Variants in SPNS3 observed in about 807,000 individuals in gnomAD.
SPNS3 encodes the protein protein spinster homolog 3.
Under a neutral mutation model 54.4 loss-of-function variants are expected in SPNS3, and 51 were observed. The ratio of observed to expected loss-of-function variants is 0.94; its 90% CI spans 0.75 to 1.18. SPNS3 has a LOEUF of 1.18. Ranked by LOEUF, SPNS3 falls within the 50% of genes most tolerant of loss-of-function variation. SPNS3 has a pLI of 0.00. For synonymous variants in SPNS3, 309 were observed against 294.7 expected, an observed-to-expected ratio of 1.05 and a Z score of -0.50; for missense variants, 669 against 677.4, an observed-to-expected ratio of 0.99 and a Z score of 0.14.
chr17:4,442,338 G>A (rs992506209), intron 2 of SPNS3, among the ~76,000 whole-genome samples: 2 of 152,070 alleles, frequency 1.3e-5, no homozygotes, highest in Non-Finnish European at 2.9e-5. Context: ...TTTGAGACCA[G>A]CCTGGCCAAC....
At chr17:4,485,701 T>A (rs1403026760) in intron 9 of SPNS3, among the ~76,000 whole-genome samples, 2 of 151,966 alleles carry the variant, frequency 1.3e-5, no homozygotes, top group Non-Finnish European at 2.9e-5. Context: ...TGGCCCAGAG[T>A]TCATCTTCTT....
At chr17:4,450,353 TC>T (rs796149619) in intron 7 of SPNS3, among the ~76,000 whole-genome samples, 92 of 13,790 alleles carry the variant, frequency 6.7e-3, no homozygotes, top group African/African-American at 0.045. Flanking sequence ...CCCTCTCCCC[TC>T]CTCTCTCTCT....
rs1597342096 is a variant in SPNS3 at position 4,478,738 on chromosome 17, A to G, written c.1179+101A>G. 1.3e-5 allele frequency: 16 copies of G among 1,201,166 alleles called. No individual in the cohort carries two copies. The East Asian group carries it at 2.8e-4, about 21-fold the overall frequency. The allele number at this position is 1,201,166 out of a possible 1,614,324, so 74.4% of individuals were successfully genotyped here. A position where few individuals can be genotyped will look rare whatever the true frequency, so the allele number is the denominator to read the frequency against. ...GGCACTGGCGGCGACATCAGAGACC[A>G]TACATTAGGGGACCAAAGCCATTCA... On this transcript the variant is annotated intron_variant, in intron 9 of 11. Coordinates refer to ENST00000355530, the MANE Select transcript of SPNS3 (RefSeq NM_182538.5).
In SPNS3 at chr17:4,434,060, C is replaced by T. The variant is rs941118024; in HGVS notation, c.93C>T (p.Pro31=). Residue 31 remains proline, a synonymous_variant, in exon 1 of 12, where the codon CCC becomes CCT. Coordinates refer to ENST00000355530, the MANE Select transcript of SPNS3 (RefSeq NM_182538.5). The stretch of plus-strand genomic sequence containing the variant: ...GGCCAGGCAGGCAGTGTCCCCCTCC[C>T]ATCACGCCCACCTCCTGGAGCCTGC... The part of the protein sequence containing the change: ...SPGPGRQCPP[P]ITPTSWSLPP... The T allele has an allele frequency of 5.0e-6, 8 of 1,610,932 alleles. No individual in the cohort carries two copies. The highest frequency in any genetic ancestry group is 5.9e-6 in the Non-Finnish European group (7 of 1,178,752).
intron 8 of SPNS3, among the ~76,000 whole-genome samples, chr17:4,455,916 G>T (rs1461557537): frequency 1.4e-5 from 1 of 73,438 alleles, no homozygotes; most frequent in Non-Finnish European, 4.0e-5. Context: ...ACTGCCCTCT[G>T]TGGGGGGGGG....
At position 4,487,865 on chromosome 17, in the gene SPNS3, G is replaced by A. The variant is rs1210995570; in HGVS notation, c.1510G>A (p.Gly504Ser). 1 of 1,614,084 alleles carries A rather than the reference G, an allele frequency of 6.2e-7. No homozygotes were observed. Among genetic ancestry groups the A allele is most frequent in the Non-Finnish European group, 8.5e-7 (1 of 1,179,920 alleles). The change falls in exon 12 of 12, where the codon GGC (glycine) becomes AGC (serine). Residue 504 changes from glycine (G) to serine (S), a missense_variant. By Grantham distance (56) the Gly-to-Ser change is moderately conservative. Transcript: ENST00000355530. Reference sequence around the variant, plus strand: ...CCTGGAGAGACAAGGCCTACTTTCGGGCGCTGGCGCCTCTACAGAGGAGCC... The same window carrying A: ...CCTGGAGAGACAAGGCCTACTTTCGAGCGCTGGCGCCTCTACAGAGGAGCC... ...NDLERQGLLS[G>S]AGASTEEP
At chr17:4,487,136 C>T (rs2144259732) in intron 11 of SPNS3, among the ~76,000 whole-genome samples, 1 of 140,716 alleles carries the variant, frequency 7.1e-6, no homozygotes, top group Middle Eastern at 4.2e-3. Context: ...CTCGCCACTG[C>T]ACTCCAGCCT....
intron 1 of SPNS3, among the ~76,000 whole-genome samples, chr17:4,438,202 AC>A (rs1307043132): frequency 1.3e-5 from 2 of 152,156 alleles, no homozygotes; most frequent in Non-Finnish European, 2.9e-5. Flanking sequence ...GCGGGGACCC[AC>A]TTGGGGGCTT....
chr17:4,481,879 TC>T (rs1567576801), intron 9 of SPNS3: 21 of 147,490 alleles, frequency 1.4e-4, no homozygotes, highest in African/African-American at 4.6e-4. Context: ...CACTGCTCTC[TC>T]TCTCTCTTTT....
At chr17:4,441,195 G>A (rs1466393337) in intron 2 of SPNS3, among the ~76,000 whole-genome samples, 1 of 152,216 alleles carries the variant, frequency 6.6e-6, no homozygotes, top group Non-Finnish European at 1.5e-5. Flanking sequence ...CTGAAAATGT[G>A]TGGAGGAGTA....
intron 5 of SPNS3, among the ~76,000 whole-genome samples, chr17:4,447,718 G>A (rs376744261): frequency 3.0e-4 from 45 of 152,298 alleles, no homozygotes; most frequent in African/African-American, 1.0e-3. Context: ...CCCCGTCCTT[G>A]GGGTTTGAGC....
At chr17:4,484,747 C>T (rs967928083) in intron 9 of SPNS3, among the ~76,000 whole-genome samples, 2 of 151,958 alleles carry the variant, frequency 1.3e-5, no homozygotes, top group Non-Finnish European at 2.9e-5. Context: ...CTTGAGTCCC[C>T]TCCCCCTCCC....
intron 8 of SPNS3, among the ~76,000 whole-genome samples, chr17:4,462,136 T>A (rs58492172): frequency 2.5e-4 from 1 of 4,064 alleles, no homozygotes; most frequent in East Asian, 9.6e-4. Flanking sequence ...CATCCATCCA[T>A]CCATCCATCC....
In SPNS3 at chr17:4,465,165, G is replaced by C. The variant is rs557802129; in HGVS notation, c.1113+11960G>C. 6.6e-5 allele frequency among the ~76,000 whole-genome samples: 10 copies of C among 152,184 alleles called. No individual in the cohort carries two copies. The South Asian group carries it at 2.1e-3, about 32-fold the overall frequency. ...AGGGGCTGGATCATCAAAGGGGTGG[G>C]GCCTGCCTGGCAGTCGATTCAGCTG... On this transcript the variant is annotated intron_variant, in intron 8 of 11. Transcript: ENST00000355530.
intron 8 of SPNS3, among the ~76,000 whole-genome samples, chr17:4,458,593 CTTT>C (rs1567563853): frequency 0.055 from 4,367 of 79,878 alleles, 328 homozygotes; most frequent in East Asian, 0.11. Flanking sequence ...TCCCTCCTTT[CTTT>C]CTTTCTTTCT....
chr17:4,476,196 C>T (rs1218031461), intron 8 of SPNS3, among the ~76,000 whole-genome samples: 1 of 152,216 alleles, frequency 6.6e-6, no homozygotes, highest in African/African-American at 2.4e-5. Flanking sequence ...CGCAGCTGAG[C>T]CCTTTGCCCC....
In SPNS3 at chr17:4,486,607, C is replaced by T. The variant is rs1300471231; in HGVS notation, c.1450+24C>T. 6.3e-7 allele frequency: 1 copy of T among 1,594,494 alleles called. No individual in the cohort carries two copies. The highest frequency in any genetic ancestry group is 1.3e-5 in the African/African-American group (1 of 74,378). On this transcript the variant is annotated intron_variant, in intron 11 of 11. Coordinates refer to ENST00000355530, the MANE Select transcript of SPNS3 (RefSeq NM_182538.5). The surrounding 1 kb of genome is among the most constrained non-coding windows in gnomAD (Gnocchi z 5.5). ...AGGTACCCTACCCATTGCACCAGGC[C>T]CGGCTCAGGGCCGGCACCCTAGGGA...
chr17:4,468,296 A>G (rs927128886), intron 8 of SPNS3, among the ~76,000 whole-genome samples: 3 of 152,214 alleles, frequency 2.0e-5, no homozygotes, highest in African/African-American at 7.2e-5. Flanking sequence ...CAAACAAAAA[A>G]TAAATTAAAA....
At chr17:4,474,429 C>A (rs1971935864) in intron 8 of SPNS3, among the ~76,000 whole-genome samples, 1 of 152,090 alleles carries the variant, frequency 6.6e-6, no homozygotes, top group South Asian at 2.1e-4. Flanking sequence ...AGCTCTGCCC[C>A]AGGGACAGCG....
Sources: gnomAD v4.1 joint callset for allele counts (sites outside exome capture counted in the v4.1 genomes callset) on GRCh38, gnomAD v4.1.1 for gene constraint, Gnocchi (gnomAD v3.1) non-coding constraint, MANE v1.5 for transcripts, NCBI Gene and HGNC (gene_info 2026-07-23, HGNC 2026-07-21) for gene names.